The following SOX5 variants were observed in gnomAD, a reference collection of about 807,000 sequenced individuals.
SOX5 encodes SRY-box transcription factor 5.
In SOX5, 9 loss-of-function variants were observed where a neutral mutation model predicts 92.0. The ratio of observed to expected loss-of-function variants is 0.10; its 90% CI spans 0.06 to 0.17. The LOEUF (loss-of-function observed/expected upper bound fraction) is 0.17. SOX5 is among the 10% of genes least tolerant of loss of function. SOX5 has a pLI of 1.00. For missense variants in SOX5, 642 were observed against 944.5 expected (o/e 0.68, Z 4.20); for synonymous variants, 344 against 336.3 (o/e 1.02, Z -0.25).
At chr12:24,055,071 T>C (rs1201922365) in intron 4 of SOX5, among the ~76,000 whole-genome samples, 1 of 152,142 alleles carries the variant, frequency 6.6e-6, no homozygotes, top group East Asian at 1.9e-4. Flanking sequence ...AAAATGAGGA[T>C]AAAAAGATAG....
intron 2 of SOX5, among the ~76,000 whole-genome samples, chr12:24,328,574 C>A (rs143894356): frequency 6.6e-6 from 1 of 152,314 alleles, no homozygotes; most frequent in African/African-American, 2.4e-5. Flanking sequence ...TCTACCTCCA[C>A]ACATCTCCCT....
chr12:24,446,447 T>C (rs1476624194), intron 1 of SOX5, among the ~76,000 whole-genome samples: 1 of 152,150 alleles, frequency 6.6e-6, no homozygotes, highest in Non-Finnish European at 1.5e-5. Flanking sequence ...AGTTTAGTAT[T>C]TGTAAGGAAC....
At chr12:24,459,833 T>G (rs1452486246) in intron 1 of SOX5, among the ~76,000 whole-genome samples, 1 of 152,198 alleles carries the variant, frequency 6.6e-6, no homozygotes, top group East Asian at 1.9e-4. Flanking sequence ...GGCCAGCTGC[T>G]GAGTTTAAAA....
intron 1 of SOX5, among the ~76,000 whole-genome samples, chr12:24,511,163 C>T (rs1949268974): frequency 6.6e-6 from 1 of 152,208 alleles, no homozygotes; most frequent in African/African-American, 2.4e-5. Context: ...ACCTCCCTTT[C>T]TCCTTTAGAC....
intron 4 of SOX5, among the ~76,000 whole-genome samples, chr12:24,145,622 A>G (rs1951005022): frequency 6.6e-6 from 1 of 152,116 alleles, no homozygotes; most frequent in Non-Finnish European, 1.5e-5. Context: ...TGATCCTCCC[A>G]AGTAGCTGAG....
chr12:24,200,417 C>A (rs1254798201), intron 4 of SOX5, among the ~76,000 whole-genome samples: 1 of 151,800 alleles, frequency 6.6e-6, no homozygotes, highest in Non-Finnish European at 1.5e-5. Context: ...GTTTGAAAGT[C>A]AAATATACAT....
rs71063321 is a variant in SOX5, at chr12:24,401,708, T to TAAAAAAAAA, written c.-250-33078_-250-33070dup. 1.5e-3 allele frequency among the ~76,000 whole-genome samples: 149 copies of TAAAAAAAAA among 99,430 alleles called. 1 individual carries two copies. The highest frequency in any genetic ancestry group is 5.5e-3 in the African/African-American group (140 of 25,444). 65.2% of individuals were successfully genotyped at this position (99,430 alleles called of 152,430 possible). On this transcript the variant is annotated intron_variant, in intron 1 of 4. Coordinates refer to the SOX5 transcript ENST00000446891. ...GGATGACAGAGCCAGACCCTATCTT[T>TAAAAAAAAA]AAAAAAAAAAAAAAAAAAAAAAAAA...
intron 8 of SOX5, among the ~76,000 whole-genome samples, chr12:23,630,419 A>T (rs1424047552): frequency 6.6e-6 from 1 of 151,940 alleles, no homozygotes; most frequent in Non-Finnish European, 1.5e-5. Context: ...CACAGAGATG[A>T]ATGAAATTAT....
chr12:24,338,079 C>T (rs1952112434), intron 2 of SOX5, among the ~76,000 whole-genome samples: 1 of 151,920 alleles, frequency 6.6e-6, no homozygotes, highest in Non-Finnish European at 1.5e-5. Flanking sequence ...TTTTGAAACA[C>T]AAATATAAGT....
intron 1 of SOX5, among the ~76,000 whole-genome samples, chr12:23,912,661 A>G (rs1206665321): frequency 6.6e-6 from 1 of 152,218 alleles, no homozygotes. Context: ...AATAATAAAA[A>G]GGAATGAAGT....
intron 9 of SOX5, among the ~76,000 whole-genome samples, chr12:23,580,790 T>C (rs1278629009): frequency 1.3e-5 from 2 of 151,976 alleles, no homozygotes; most frequent in East Asian, 1.9e-4. Context: ...GTGGTCACAG[T>C]AGTAGAAACA....
At chr12:24,181,407 T>C (rs1162668128) in intron 4 of SOX5, among the ~76,000 whole-genome samples, 1 of 152,200 alleles carries the variant, frequency 6.6e-6, no homozygotes, top group Non-Finnish European at 1.5e-5. Flanking sequence ...TAAATACATC[T>C]AAATGAATGA....
intron 1 of SOX5, among the ~76,000 whole-genome samples, chr12:24,383,395 T>C (rs916692336): frequency 1.3e-5 from 2 of 152,250 alleles, no homozygotes; most frequent in Admixed American, 6.5e-5. Context: ...TGTAGTTACA[T>C]GGGTCCTCCC....
At chr12:23,572,908 C>T (rs1948590986) in intron 10 of SOX5, among the ~76,000 whole-genome samples, 1 of 152,150 alleles carries the variant, frequency 6.6e-6, no homozygotes, top group South Asian at 2.1e-4. Context: ...GGCCCCACTG[C>T]CCAGACTGAA....
chr12:23,921,834 G>A (rs989876383), intron 1 of SOX5, among the ~76,000 whole-genome samples: 3 of 152,152 alleles, frequency 2.0e-5, no homozygotes, highest in African/African-American at 7.2e-5. Context: ...TGCAGGCAAG[G>A]CAGCAAAGCC....
intron 3 of SOX5, among the ~76,000 whole-genome samples, chr12:23,800,586 G>C (rs1214807944): frequency 6.6e-6 from 1 of 151,862 alleles, no homozygotes; most frequent in Non-Finnish European, 1.5e-5. Context: ...TATAGAAATG[G>C]GCTAAGCAGC....
chr12:23,711,034 C>T (rs2140365241), intron 6 of SOX5, among the ~76,000 whole-genome samples: 1 of 152,144 alleles, frequency 6.6e-6, no homozygotes, highest in South Asian at 2.1e-4. Context: ...CAAGGAGTGC[C>T]TTGAAATTAG....
intron 4 of SOX5, among the ~76,000 whole-genome samples, chr12:23,971,846 T>A (rs1948376924): frequency 6.6e-6 from 1 of 152,166 alleles, no homozygotes; most frequent in Admixed American, 6.5e-5. Context: ...ACATTGTGCA[T>A]GTACTTTATA....
At chr12:24,005,682 G>A (rs574424264) in intron 4 of SOX5, among the ~76,000 whole-genome samples, 1 of 152,040 alleles carries the variant, frequency 6.6e-6, no homozygotes, top group South Asian at 2.1e-4. Flanking sequence ...CTAAATAACA[G>A]AAGTGCTCTA....
Sources: allele counts gnomAD v4.1 joint callset (sites outside exome capture counted in the v4.1 genomes callset), GRCh38; gene constraint gnomAD v4.1.1; transcripts MANE v1.5; gene names NCBI Gene and HGNC (gene_info 2026-07-23, HGNC 2026-07-21).